FAM151A: variants seen among roughly 807,000 people sequenced by gnomAD.
FAM151A encodes the protein family with sequence similarity 151 member A.
FAM151A carries 41 observed loss-of-function variants against 40.4 expected under a neutral mutation model. That is an observed-to-expected ratio of 1.01 (90% confidence interval 0.79 to 1.32). The LOEUF (loss-of-function observed/expected upper bound fraction) is 1.32. FAM151A is among the 40% of genes most tolerant of loss of function. FAM151A has a pLI of 0.00. For missense variants in FAM151A, 740 were observed against 740.4 expected (o/e 1.00, Z 0.01); for synonymous variants, 337 against 312.5 (o/e 1.08, Z -0.83).
At chr1:54,619,436 G>A (rs1485554833) in intron 2 of FAM151A, among the ~76,000 whole-genome samples, 2 of 152,138 alleles carry the variant, frequency 1.3e-5, no homozygotes, top group Non-Finnish European at 2.9e-5. Context: ...CCTGTGAAAT[G>A]TTACCCATGA....
At position 54,623,287 on chromosome 1, in the gene FAM151A, G is replaced by A. The variant is rs376410310; in HGVS notation, c.109C>T (p.Arg37Trp). ...IAAIVLAITL[R>W]RPGCELEACS... is the part of the protein sequence containing the mutation. ...GGGGGGAGGCACCTACCTGGCCGCCGCAGGGTGATGGCAAGGACTATTGCG... is the reference window on the plus strand; with the variant it reads ...GGGGGGAGGCACCTACCTGGCCGCCACAGGGTGATGGCAAGGACTATTGCG... Residue 37 changes from arginine to tryptophan, a missense_variant, in exon 1 of 8, where the codon CGG becomes TGG. By Grantham distance (101) the Arg-to-Trp change is moderately radical (BLOSUM62 -3). Transcript: ENST00000302250. The A allele has an allele frequency of 1.6e-5, 26 of 1,613,336 alleles. No individual in the cohort carries two copies. In the Admixed American group the frequency reaches 1.8e-4, roughly 11 times the overall value.
rs779876794 is a variant in FAM151A at position 54,612,621 on chromosome 1, G to A, written c.665C>T (p.Thr222Met). Residue 222 changes from threonine (T) to methionine (M), a missense_variant, in exon 5 of 8, where the codon ACG becomes ATG. Transcript: ENST00000302250. Reference sequence around the variant, plus strand: ...CTTCTCCACCATGGCTTGGGTGTACGTCCTGTTTGGGGACGTGGACATGTA... The same window carrying A: ...CTTCTCCACCATGGCTTGGGTGTACATCCTGTTTGGGGACGTGGACATGTA... ...TFYMSTSPNR[T>M]YTQAMVEKMH... 2.4e-5 allele frequency: 38 copies of A among 1,613,954 alleles called. No homozygotes were observed. Among genetic ancestry groups the A allele is most frequent in the Middle Eastern group, 3.3e-4 (2 of 6,084 alleles).
Position 54,614,744 on chromosome 1 carries a change from T to C in FAM151A, c.531A>G (p.Leu177=), listed in dbSNP as rs758356238. The change falls in exon 4 of 8, where the codon TTA becomes TTG. Residue 177 remains leucine (L), a synonymous_variant. Transcript: ENST00000302250. ...TTGAGATGAGCATGTTGGGGCCCTT[T>C]AAGATGTCAGCGTTGATCCATATGG... ...RRPIWINADI[L]KGPNMLISTE... is the part of the protein sequence containing the mutation. The C allele has an allele frequency of 6.2e-7, 1 of 1,614,048 alleles. No homozygotes were observed. Among genetic ancestry groups the C allele is most frequent in the South Asian group, 1.1e-5 (1 of 91,062 alleles).
intron 5 of FAM151A, 74 bp downstream of exon 5, chr1:54,612,412 G>GGGGCACAGCGGGCT: frequency 9.0e-7 from 1 of 1,114,548 alleles, no homozygotes; most frequent in Middle Eastern, 2.0e-4. Flanking sequence ...GACCCTTCCA[G>GGGGCACAGCGGGCT]CCATGAGCTT....
intron 6 of FAM151A, among the ~76,000 whole-genome samples, chr1:54,611,174 C>T (rs1644113627): frequency 6.6e-6 from 1 of 152,176 alleles, no homozygotes; most frequent in African/African-American, 2.4e-5. Flanking sequence ...TGGCTCATGC[C>T]TGTAATCCCA....
intron 4 of FAM151A, 115 bp downstream of exon 4, chr1:54,614,584 AG>A: frequency 9.7e-7 from 1 of 1,030,012 alleles, no homozygotes; most frequent in South Asian, 1.9e-5. Context: ...CTCAGAGGTG[AG>A]GCTATATATA....
intron 1 of FAM151A, 105 bp downstream of exon 1, chr1:54,623,173 G>A (rs1359589852): frequency 7.7e-5 from 58 of 749,120 alleles, no homozygotes; most frequent in Admixed American, 3.6e-4. Flanking sequence ...GCAAAACTCC[G>A]TCTAAAAAAA....
chr1:54,615,362 A>T (rs1448991599), intron 3 of FAM151A, among the ~76,000 whole-genome samples: 1 of 152,180 alleles, frequency 6.6e-6, no homozygotes, highest in Non-Finnish European at 1.5e-5. Context: ...CCAGGCCAAG[A>T]TCACACTTTT....
rs200643210 is a variant in FAM151A at position 54,623,428 on chromosome 1, G to A, written c.-33C>T. 60 of 1,545,754 alleles carry A rather than the reference G, an allele frequency of 3.9e-5. No homozygotes were observed. Among genetic ancestry groups the A allele is most frequent in the Non-Finnish European group, 4.6e-5 (52 of 1,120,132 alleles). On this transcript the variant is annotated 5_prime_UTR_variant, in exon 1 of 8. The change creates a new upstream start codon in the 5' untranslated region. Transcript: ENST00000302250. Reference sequence around the variant, plus strand: ...CTCTCTGGGGAATGCCCCCAACTCCGTGCGGCCCAGAGTCCCTGAGGCTCC... The same window carrying A: ...CTCTCTGGGGAATGCCCCCAACTCCATGCGGCCCAGAGTCCCTGAGGCTCC...
At chr1:54,614,942 GT>G in intron 3 of FAM151A, 83 bp from the exon 4 acceptor site, 2 of 522,178 alleles carry the variant, frequency 3.8e-6, no homozygotes, top group Non-Finnish European at 5.4e-6. Flanking sequence ...CAGAGCGGGT[GT>G]GTGTGTGTGT....
In FAM151A at chr1:54,609,242, T is replaced by A. The variant is rs377007476; in HGVS notation, c.*26A>T. ...CCCGTGGGAAGCCTCCGCCCTGAGG[T>A]CCGCTGGCCCACCACCCCTGGGTGC... On this transcript the variant is annotated 3_prime_UTR_variant, in exon 8 of 8. Coordinates refer to ENST00000302250, the MANE Select transcript of FAM151A (RefSeq NM_176782.3). The A allele has an allele frequency of 1.9e-5, 30 of 1,592,604 alleles. No homozygotes were observed. Among genetic ancestry groups the A allele is most frequent in the Non-Finnish European group, 2.4e-5 (28 of 1,167,658 alleles).
chr1:54,618,705 T>A (rs1332561885), intron 2 of FAM151A, among the ~76,000 whole-genome samples: 1 of 151,682 alleles, frequency 6.6e-6, no homozygotes, highest in African/African-American at 2.4e-5. Context: ...GGACATGGAG[T>A]CAATAGCCCT....
At position 54,614,865 on chromosome 1, in the gene FAM151A, G is replaced by A. The variant is rs772767374; in HGVS notation, c.416-6C>T. 1 of 1,613,118 alleles carries A rather than the reference G, an allele frequency of 6.2e-7. No individual in the cohort carries two copies. The highest frequency in any genetic ancestry group is 8.5e-7 in the Non-Finnish European group (1 of 1,179,566). On this transcript the variant is annotated splice_polypyrimidine_tract_variant and splice_region_variant and intron_variant, in intron 3 of 7. Coordinates refer to ENST00000302250, the MANE Select transcript of FAM151A (RefSeq NM_176782.3). ...CTTGAAGTCCAGTTTGATGCCTGTG[G>A]GGAAAGGAACAAGGGCTTGGGGAAA...
chr1:54,619,046 C>T lies in FAM151A; in HGVS notation c.262+818G>A, dbSNP rs116286469. On this transcript the variant is annotated intron_variant, in intron 2 of 7. Transcript: ENST00000302250. Reference sequence around the variant, plus strand: ...TTGGTTGATTTGGTCATTCTACCAGCCCTCAGACCCCAGTTTCCTTGTCTG... The same window carrying T: ...TTGGTTGATTTGGTCATTCTACCAGTCCTCAGACCCCAGTTTCCTTGTCTG... 6.9e-3 allele frequency among the ~76,000 whole-genome samples: 1,047 copies of T among 152,234 alleles called. 18 individuals are homozygous for T. Among genetic ancestry groups the T allele is most frequent in the African/African-American group, 0.024 (983 of 41,524 alleles).
intron 6 of FAM151A, 72 bp downstream of exon 6, chr1:54,611,534 G>A: frequency 6.6e-7 from 1 of 1,521,316 alleles, no homozygotes; most frequent in South Asian, 1.2e-5. Flanking sequence ...ACCCAGCTCT[G>A]CTCCAGTGCC....
rs779194676 is a variant in FAM151A, at chr1:54,609,678, C to A, written c.1348G>T (p.Gly450Trp). 11 of 1,614,042 alleles carry A rather than the reference C, an allele frequency of 6.8e-6. No individual in the cohort carries two copies. Among genetic ancestry groups the A allele is most frequent in the South Asian group, 1.1e-5 (1 of 91,086 alleles). ...ACATGGCCGGGGACCGAAAAACTCC[C>A]GTGGGAGATTTTGGCCCCAACCCAC... Reference protein sequence around the residue: ...PVWVGAKISHGSFSVPGHVAG... With the variant: ...PVWVGAKISHWSFSVPGHVAG... Residue 450 changes from glycine (G) to tryptophan (W), a missense_variant, in exon 8 of 8, where the codon GGG becomes TGG. Transcript: ENST00000302250.
chr1:54,610,738 A>G (rs1312290771), intron 6 of FAM151A, 183 bp from the exon 7 acceptor site: 1 of 915,588 alleles, frequency 1.1e-6, no homozygotes, highest in East Asian at 1.7e-4. Context: ...AGGTCTTATA[A>G]GCAGTAAGCA....
intron 3 of FAM151A, 115 bp from the exon 4 acceptor site, chr1:54,614,974 G>C: frequency 2.3e-6 from 2 of 887,722 alleles, no homozygotes; most frequent in Non-Finnish European, 3.4e-6. Flanking sequence ...GCACAGTGGA[G>C]TCAGGGGAGG....
At chr1:54,615,759 C>T (rs181412705) in intron 3 of FAM151A, among the ~76,000 whole-genome samples, 2 of 152,282 alleles carry the variant, frequency 1.3e-5, no homozygotes, top group Admixed American at 1.3e-4. Flanking sequence ...TCTGAGCATG[C>T]GCGGCACTTT....
Sources: gnomAD v4.1 joint callset for allele counts (sites outside exome capture counted in the v4.1 genomes callset) on GRCh38, gnomAD v4.1.1 for gene constraint, MANE v1.5 for transcripts, NCBI Gene and HGNC (gene_info 2026-07-23, HGNC 2026-07-21) for gene names.